DNAH10: variants seen among roughly 807,000 people sequenced by gnomAD.
DNAH10 encodes the protein axonemal beta dynein heavy chain 10.
DNAH10 carries 348 observed loss-of-function variants against 506.6 expected under a neutral mutation model. The ratio of observed to expected loss-of-function variants is 0.69; its 90% CI spans 0.63 to 0.75. DNAH10 has a LOEUF of 0.75. Among genes scored for constraint, DNAH10 ranks in the 30% least tolerant of loss-of-function variants. The probability of loss-of-function intolerance (pLI) is 0.00; values close to 1 mark genes in which losing one functional copy is unlikely to be tolerated. For missense variants in DNAH10, 5,179 were observed against 5,787.1 expected, an observed-to-expected ratio of 0.89 and a Z score of 3.41; for synonymous variants, 2,059 against 2,198.6, an observed-to-expected ratio of 0.94 and a Z score of 1.78.
Position 123,881,614 on chromosome 12 carries a change from TTTA to T in DNAH10, c.8635-10_8635-8del. ...CTGGGTTTTGAATTCTTTTTTTTTT[TTTA>T]AATGCAGGAAATTCTTGAAGAGTAT... On this transcript the variant is annotated splice_polypyrimidine_tract_variant and splice_region_variant and intron_variant, in intron 50 of 78. Coordinates refer to ENST00000673944, the MANE Select transcript of DNAH10 (RefSeq NM_001372106.1). The T allele has an allele frequency of 6.6e-7, 1 of 1,518,272 alleles. No homozygotes were observed. The highest frequency in any genetic ancestry group is 2.4e-5 in the Admixed American group (1 of 40,866). The allele number at this position is 1,518,272 out of a possible 1,614,324, so 94.1% of individuals were successfully genotyped here.
chr12:123,804,339 C>T (rs1317319263), intron 17 of DNAH10, among the ~76,000 whole-genome samples: 2 of 152,062 alleles, frequency 1.3e-5, no homozygotes, highest in Non-Finnish European at 2.9e-5. Flanking sequence ...TCCTGGCTAA[C>T]ACGGTGAAAC....
At chr12:123,847,182 CCATCCATCCATG>C in intron 32 of DNAH10, among the ~76,000 whole-genome samples, 1 of 151,394 alleles carries the variant, frequency 6.6e-6, no homozygotes, top group African/African-American at 2.4e-5. Flanking sequence ...ATCCATCCAT[CCATCCATCCATG>C]TATCTATCCA....
In DNAH10 at chr12:123,933,481, G is replaced by A. The variant is rs1304642272; in HGVS notation, c.13447G>A (p.Ala4483Thr). The change falls in exon 77 of 79, where the codon GCA becomes ACA. Residue 4483 changes from alanine (A) to threonine (T), a missense_variant. This residue lies in a region of DNAH10 where 4,844 missense variants were observed against 5,430.5 expected (regional missense o/e 0.89). Transcript: ENST00000673944. ...LFTQVTKFQD[A>T]DEVNERAGQG... ...CACACAAGTGACCAAGTTCCAGGATGCAGATGAAGTGAATGAGCGGGCGGG... is the reference window on the plus strand; with the variant it reads ...CACACAAGTGACCAAGTTCCAGGATACAGATGAAGTGAATGAGCGGGCGGG... 6.2e-7 allele frequency: 1 copy of A among 1,609,686 alleles called. No homozygotes were observed. Among genetic ancestry groups the A allele is most frequent in the East Asian group, 2.2e-5 (1 of 44,624 alleles).
Position 123,914,848 on chromosome 12 carries a change from C to T in DNAH10, c.10575-4C>T. Reference sequence around the variant, plus strand: ...ATTCATTTCCCAATGGCTGTTTCTTCCAGATGGGGATCCCAGGGCCTTCCC... The same window carrying T: ...ATTCATTTCCCAATGGCTGTTTCTTTCAGATGGGGATCCCAGGGCCTTCCC... On this transcript the variant is annotated splice_region_variant and splice_polypyrimidine_tract_variant and intron_variant, in intron 61 of 78. Transcript: ENST00000673944. 6.2e-7 allele frequency: 1 copy of T among 1,612,668 alleles called. No individual in the cohort carries two copies. Among genetic ancestry groups the T allele is most frequent in the Non-Finnish European group, 8.5e-7 (1 of 1,179,514 alleles).
chr12:123,898,812 T>C lies in DNAH10; in HGVS notation c.9638T>C (p.Val3213Ala). The C allele has an allele frequency of 6.2e-7, 1 of 1,605,930 alleles. No individual in the cohort carries two copies. ...LLEEIAVNTA[V>A]AEEKKKLAEE... The stretch of plus-strand genomic sequence containing the variant: ...GAGGAGATCGCCGTCAACACCGCTG[T>C]AGGTGAGTGAGGGCGGGGCCAGGGC... Residue 3213 changes from valine to alanine, a missense_variant and splice_region_variant, in exon 56 of 79, where the codon GTA (valine) becomes GCA (alanine). Val to Ala is a moderately conservative substitution (Grantham distance 64). Transcript: ENST00000673944.
Position 123,833,248 on chromosome 12 carries a change from C to G in DNAH10, c.4680C>G (p.Phe1560Leu), listed in dbSNP as rs1228646496. 9 of 1,613,902 alleles carry G rather than the reference C, an allele frequency of 5.6e-6. No homozygotes were observed. Among genetic ancestry groups the G allele is most frequent in the Admixed American group, 1.7e-5 (1 of 60,024 alleles). The change falls in exon 27 of 79, where the codon TTC becomes TTG. Residue 1560 changes from phenylalanine to leucine, a missense_variant. Phe to Leu is a conservative substitution (Grantham distance 22, BLOSUM62 0). Around this residue, in one of 3 missense-constraint regions of DNAH10, gnomAD observed 4,844 missense variants for 5,430.5 expected, o/e 0.89. Coordinates refer to ENST00000673944, the MANE Select transcript of DNAH10 (RefSeq NM_001372106.1). ...TTCAGTCTCTTGATGACAACACTTT[C>G]AACCTGCAGAGCATCTCAGGAAGCA... Reference protein sequence around the residue: ...EIIQSLDDNTFNLQSISGSRF... With the variant: ...EIIQSLDDNTLNLQSISGSRF...
rs767968292 is a variant in DNAH10 at position 123,846,131 on chromosome 12, C to T, written c.5791C>T (p.Arg1931Trp). ...GRLVITPLTD[R>W]IYLTLTQALS... ...GCTGGTCATCACGCCCCTCACCGAT[C>T]GGATTTACCTGACGCTCACCCAGGT... The change falls in exon 32 of 79, where the codon CGG becomes TGG. Residue 1931 changes from arginine (R) to tryptophan (W), a missense_variant. Coordinates refer to ENST00000673944, the MANE Select transcript of DNAH10 (RefSeq NM_001372106.1). This position sits in a 1 kb window ranked among gnomAD's most constrained non-coding sequence, Gnocchi z 4.5. 8 of 1,613,132 alleles carry T rather than the reference C, an allele frequency of 5.0e-6. No individual in the cohort carries two copies. In the East Asian group the frequency reaches 6.7e-5, roughly 13 times the overall value.
chr12:123,902,225 G>A lies in DNAH10; in HGVS notation c.9641-714G>A, dbSNP rs888391418. Among the ~76,000 whole-genome samples the A allele has an allele frequency of 4.6e-5, 7 of 152,078 alleles. No homozygotes were observed. The highest frequency in any genetic ancestry group is 7.2e-5 in the African/African-American group (3 of 41,390). ...TGGATTTAGGGCCCACCCTCACCCCGTATGACCTAATCTTAACTAATTCCA... is the reference window on the plus strand; with the variant it reads ...TGGATTTAGGGCCCACCCTCACCCCATATGACCTAATCTTAACTAATTCCA... On this transcript the variant is annotated intron_variant, in intron 56 of 78. Coordinates refer to ENST00000673944, the MANE Select transcript of DNAH10 (RefSeq NM_001372106.1). This position sits in a 1 kb window ranked among gnomAD's most constrained non-coding sequence, Gnocchi z 4.5.
intron 24 of DNAH10, among the ~76,000 whole-genome samples, chr12:123,824,740 G>T (rs1959789181): frequency 6.6e-6 from 1 of 152,070 alleles, no homozygotes; most frequent in African/African-American, 2.4e-5. Flanking sequence ...TCCTGTCTCT[G>T]CCTCCCTCAT....
intron 64 of DNAH10, among the ~76,000 whole-genome samples, chr12:123,918,223 G>A (rs576232702): frequency 1.2e-4 from 18 of 152,344 alleles, no homozygotes; most frequent in Middle Eastern, 6.8e-3. Flanking sequence ...ATGGTCATAA[G>A]ACTGGTCTGG....
intron 73 of DNAH10, among the ~76,000 whole-genome samples, 159 bp from the exon 74 acceptor site, chr12:123,931,182 T>G (rs1374284333): frequency 1.3e-5 from 2 of 152,000 alleles, no homozygotes; most frequent in Non-Finnish European, 2.9e-5. Context: ...GTCAGTGCAC[T>G]TCAGCCTGGG....
Position 123,789,976 on chromosome 12 carries a change from C to T in DNAH10, c.1670C>T (p.Thr557Met), listed in dbSNP as rs778967410. 9.9e-6 allele frequency: 16 copies of T among 1,613,912 alleles called. No individual in the cohort carries two copies. The highest frequency in any genetic ancestry group is 1.7e-5 in the Admixed American group (1 of 59,982). Residue 557 changes from threonine (T) to methionine (M), a missense_variant, in exon 11 of 79, where the codon ACG (threonine) becomes ATG (methionine). Transcript: ENST00000673944. The part of the protein sequence containing the change: ...NIFGPELKAV[T>M]GDPKRIDDVL... ...TTTGGTCCAGAACTAAAGGCAGTGA[C>T]GGGGGACCCCAAGCGCATTGATGAT...
intron 14 of DNAH10, 96 bp from the exon 15 acceptor site, chr12:123,800,120 G>C (rs1958428446): frequency 7.7e-7 from 1 of 1,297,218 alleles, no homozygotes; most frequent in Non-Finnish European, 1.1e-6. Flanking sequence ...AGGGCCCAGT[G>C]TTGATCTTTT....
intron 47 of DNAH10, among the ~76,000 whole-genome samples, chr12:123,876,396 G>A (rs1191676055): frequency 6.6e-6 from 1 of 152,178 alleles, no homozygotes; most frequent in African/African-American, 2.4e-5. Context: ...ACTTTGGGAG[G>A]TTGAGGCAGG....
Position 123,914,505 on chromosome 12 carries a change from C to T in DNAH10, c.10529C>T (p.Pro3510Leu), listed in dbSNP as rs1453405711. The change falls in exon 61 of 79, where the codon CCT becomes CTT. Residue 3510 changes from proline (P) to leucine (L), a missense_variant. This residue lies in a region of DNAH10 where 4,844 missense variants were observed against 5,430.5 expected (regional missense o/e 0.89). Transcript: ENST00000673944. ...GAGCGGGAGATCCCCCTGAGCCAGC[C>T]TTTCCGGCTGGAAAGCCTGCTCACG... ...ILEREIPLSQPFRLESLLTDD... is the reference protein window; with the variant it reads ...ILEREIPLSQLFRLESLLTDD... 1 of 1,613,688 alleles carries T rather than the reference C, an allele frequency of 6.2e-7. No individual in the cohort carries two copies. The highest frequency in any genetic ancestry group is 8.5e-7 in the Non-Finnish European group (1 of 1,179,886).
chr12:123,864,125 G>T (rs1334599523), intron 39 of DNAH10, among the ~76,000 whole-genome samples: 3 of 148,060 alleles, frequency 2.0e-5, no homozygotes, highest in African/African-American at 7.4e-5. Context: ...TATTGGCAAA[G>T]AACTCAAACT....
At position 123,820,549 on chromosome 12, in the gene DNAH10, T is replaced by G. The variant is rs746850572; in HGVS notation, c.4001-31T>G. 8 of 1,596,896 alleles carry G rather than the reference T, an allele frequency of 5.0e-6. No individual in the cohort carries two copies. The Admixed American group carries it at 1.4e-4, about 28-fold the overall frequency. ...AATTTTGTACACCTTAAAATTGTAT[T>G]TATTCACTCATCGGTGTATTTATTT... On this transcript the variant is annotated intron_variant, in intron 23 of 78. Transcript: ENST00000673944.
intron 16 of DNAH10, among the ~76,000 whole-genome samples, chr12:123,802,855 T>A (rs1229331777): frequency 6.6e-6 from 1 of 152,120 alleles, no homozygotes; most frequent in East Asian, 1.9e-4. Context: ...AGCACAAATA[T>A]GTCATGTGTA....
chr12:123,787,964 A>G lies in DNAH10; in HGVS notation c.1582A>G (p.Met528Val). 6.3e-7 allele frequency: 1 copy of G among 1,588,300 alleles called. No individual in the cohort carries two copies. Among genetic ancestry groups the G allele is most frequent in the Admixed American group, 1.8e-5 (1 of 54,890 alleles). Reference sequence around the variant, plus strand: ...GCGGCTGTTCGAGAGGACGGATTATATGGCCACCATCTGCCAGGACCTCTC... The same window carrying G: ...GCGGCTGTTCGAGAGGACGGATTATGTGGCCACCATCTGCCAGGACCTCTC... ...RKRLFERTDY[M>V]ATICQDLSDV... The change falls in exon 10 of 79, where the codon ATG becomes GTG. Residue 528 changes from methionine (M) to valine (V), a missense_variant. By Grantham distance (21) the Met-to-Val change is conservative (BLOSUM62 1). This residue lies in a region of DNAH10 where 4,844 missense variants were observed against 5,430.5 expected (regional missense o/e 0.89). Transcript: ENST00000673944. This position sits in a 1 kb window ranked among gnomAD's most constrained non-coding sequence, Gnocchi z 4.6.
Sources: gnomAD v4.1 joint callset for allele counts (sites outside exome capture counted in the v4.1 genomes callset) on GRCh38, gnomAD v4.1.1 for gene constraint, gnomAD v4.1.1 regional missense constraint, Gnocchi (gnomAD v3.1) non-coding constraint, MANE v1.5 for transcripts, NCBI Gene and HGNC (gene_info 2026-07-23, HGNC 2026-07-21) for gene names.